Variants in ANP32A observed in about 807,000 individuals in gnomAD.
The protein encoded by ANP32A is acidic leucine-rich nuclear phosphoprotein 32 family member A.
A neutral mutation model predicts 33.9 loss-of-function variants in ANP32A; 1 was observed. The ratio of observed to expected loss-of-function variants is 0.03; its 90% CI spans 0.01 to 0.14. The LOEUF (loss-of-function observed/expected upper bound fraction) is 0.14, where lower values mean the gene tolerates loss of function less well. Ranked by LOEUF, ANP32A falls within the 10% of genes least tolerant of loss-of-function variation. The pLI is 1.00. For missense variants in ANP32A, 155 were observed against 306.0 expected (o/e 0.51, Z 3.68); for synonymous variants, 115 against 120.5 (o/e 0.95, Z 0.30).
chr15:68,790,404 G>T (rs909278588), intron 1 of ANP32A: 1 of 152,152 alleles, frequency 6.6e-6, no homozygotes, highest in Non-Finnish European at 1.5e-5. Context: ...GGCTGCTGCT[G>T]GGGTAGGCTG....
At chr15:68,803,711 G>T (rs1894170209) in intron 1 of ANP32A, among the ~76,000 whole-genome samples, 1 of 149,980 alleles carries the variant, frequency 6.7e-6, no homozygotes, top group African/African-American at 2.5e-5. Context: ...ACCCCTGAAA[G>T]TATTAAATAA....
chr15:68,794,416 G>C (rs1297777303), intron 1 of ANP32A, among the ~76,000 whole-genome samples: 2 of 152,038 alleles, frequency 1.3e-5, no homozygotes, highest in East Asian at 3.8e-4. Context: ...TTTCCTTCAC[G>C]GAGCAAGAAT....
intron 1 of ANP32A, among the ~76,000 whole-genome samples, chr15:68,804,806 C>A (rs546828767): frequency 2.6e-5 from 4 of 152,254 alleles, no homozygotes; most frequent in Non-Finnish European, 5.9e-5. Context: ...AGCCGCTGCA[C>A]GCGGCTGTGT....
intron 1 of ANP32A, among the ~76,000 whole-genome samples, chr15:68,807,302 G>A (rs1278374215): frequency 3.4e-5 from 5 of 149,034 alleles, no homozygotes; most frequent in Non-Finnish European, 7.6e-5. Context: ...AAGAAGGCTA[G>A]GGTCACGGAG....
At chr15:68,820,055 G>C (rs944308422) in intron 1 of ANP32A, among the ~76,000 whole-genome samples, 1 of 152,046 alleles carries the variant, frequency 6.6e-6, no homozygotes, top group Non-Finnish European at 1.5e-5. Flanking sequence ...AAGAAATGAA[G>C]ACGCACTTTA....
Position 68,779,808 on chromosome 15 carries a change from T to C in ANP32A, c.*273A>G, listed in dbSNP as rs1380216995. 6 of 458,250 alleles carry C rather than the reference T, an allele frequency of 1.3e-5. No homozygotes were observed. Among genetic ancestry groups the C allele is most frequent in the Non-Finnish European group, 2.0e-5 (5 of 255,912 alleles). 28.4% of individuals were successfully genotyped at this position (458,250 alleles called of 1,614,324 possible). A position where few individuals can be genotyped will look rare whatever the true frequency, so the allele number is the denominator to read the frequency against. ...AACAAATGCTCACTTAGTGTGTACT[T>C]AGCTATCGCATTTACAGGGACAAAA... On this transcript the variant is annotated 3_prime_UTR_variant, in exon 7 of 7. Coordinates refer to ENST00000465139, the MANE Select transcript of ANP32A (RefSeq NM_006305.4).
chr15:68,800,470 C>G (rs1435190632), intron 1 of ANP32A, among the ~76,000 whole-genome samples: 1 of 150,940 alleles, frequency 6.6e-6, no homozygotes, highest in Non-Finnish European at 1.5e-5. Context: ...AGGCACCGGG[C>G]GCGGTGGCTC....
At chr15:68,782,729 TA>T in intron 5 of ANP32A, 1 of 747,218 alleles carries the variant, frequency 1.3e-6, no homozygotes, top group Non-Finnish European at 2.1e-6. Context: ...TCCCTGCCTC[TA>T]AAATCCTCTT....
chr15:68,784,571 A>C lies in ANP32A; in HGVS notation c.352T>G (p.Leu118Val). The change falls in exon 4 of 7, where the codon TTA (leucine) becomes GTA (valine). Residue 118 changes from leucine to valine, a missense_variant. Transcript: ENST00000465139. ...PLKKLENLKS[L>V]DLFNCEVTNL... ...GTTACCTCGCAATTGAAAAGGTCTA[A>C]GCTCTTGAGGTTTTCTAACTTTTTC... 6.2e-7 allele frequency: 1 copy of C among 1,614,138 alleles called. No homozygotes were observed. Among genetic ancestry groups the C allele is most frequent in the Non-Finnish European group, 8.5e-7 (1 of 1,180,026 alleles).
chr15:68,796,504 C>T (rs938029493), intron 1 of ANP32A, among the ~76,000 whole-genome samples: 1 of 152,174 alleles, frequency 6.6e-6, no homozygotes, highest in Non-Finnish European at 1.5e-5. Context: ...CATGAGCCAC[C>T]ACACCCAGCC....
At chr15:68,787,240 G>A in intron 3 of ANP32A, 173 bp downstream of exon 3, 2 of 899,532 alleles carry the variant, frequency 2.2e-6, no homozygotes, top group Non-Finnish European at 3.3e-6. Flanking sequence ...ACTTCTCTGG[G>A]CCTCAGTTTC....
chr15:68,787,725 T>TGCCCCCC, intron 2 of ANP32A, 45 bp downstream of exon 2: 1 of 1,597,688 alleles, frequency 6.3e-7, no homozygotes, highest in Non-Finnish European at 8.6e-7. Context: ...CCCTTCCCAC[T>TGCCCCCC]CCCCACCCCC....
chr15:68,819,241 A>G (rs1894436782), intron 1 of ANP32A, among the ~76,000 whole-genome samples: 1 of 151,964 alleles, frequency 6.6e-6, no homozygotes, highest in South Asian at 2.1e-4. Context: ...TCCTCCCGCC[A>G]GCGCGTCCCC....
At chr15:68,788,523 C>T (rs1242995522) in intron 1 of ANP32A, among the ~76,000 whole-genome samples, 1 of 152,224 alleles carries the variant, frequency 6.6e-6, no homozygotes, top group Non-Finnish European at 1.5e-5. Flanking sequence ...AACAGAACTT[C>T]CTTCAAGGAC....
chr15:68,819,766 G>A (rs1894445090), intron 1 of ANP32A, among the ~76,000 whole-genome samples: 1 of 152,218 alleles, frequency 6.6e-6, no homozygotes, highest in South Asian at 2.1e-4. Flanking sequence ...CGTAGCCTTT[G>A]GGCAACTTGC....
Position 68,783,034 on chromosome 15 carries a change from A to G in ANP32A, c.546T>C (p.Asp182=), listed in dbSNP as rs1295908628. The change falls in exon 5 of 7, where the codon GAT becomes GAC. Residue 182 remains aspartate, a synonymous_variant. Coordinates refer to ENST00000465139, the MANE Select transcript of ANP32A (RefSeq NM_006305.4). ...EDEDEEEYDE[D]AQVVEDEEDE... ...CCTCCTCGTCTTCCACTACCTGAGCATCTTCATCATACTCCTCCTCTGTGC... is the reference window on the plus strand; with the variant it reads ...CCTCCTCGTCTTCCACTACCTGAGCGTCTTCATCATACTCCTCCTCTGTGC... The G allele has an allele frequency of 1.3e-6, 2 of 1,551,764 alleles. No individual in the cohort carries two copies. The highest frequency in any genetic ancestry group is 1.4e-5 in the African/African-American group (1 of 73,098).
intron 1 of ANP32A, among the ~76,000 whole-genome samples, chr15:68,804,809 G>A (rs902101983): frequency 6.6e-6 from 1 of 152,216 alleles, no homozygotes; most frequent in Non-Finnish European, 1.5e-5. Flanking sequence ...CGCTGCACGC[G>A]GCTGTGTCTG....
At chr15:68,784,301 T>A in intron 4 of ANP32A, 96 bp downstream of exon 4, 1 of 1,415,284 alleles carries the variant, frequency 7.1e-7, no homozygotes, top group East Asian at 2.5e-5. Flanking sequence ...GGTGGGGGCC[T>A]CCCAACACCC....
intron 1 of ANP32A, among the ~76,000 whole-genome samples, chr15:68,814,368 T>C (rs1452327679): frequency 2.0e-5 from 3 of 151,320 alleles, no homozygotes; most frequent in African/African-American, 7.3e-5. Flanking sequence ...GAGACCAGCC[T>C]GGGCAACACG....
Sources: allele counts gnomAD v4.1 joint callset (sites outside exome capture counted in the v4.1 genomes callset), GRCh38; gene constraint gnomAD v4.1.1; transcripts MANE v1.5; gene names NCBI Gene and HGNC (gene_info 2026-07-23, HGNC 2026-07-21).